GPC5: variants seen among roughly 807,000 people sequenced by gnomAD.
The protein encoded by GPC5 is glypican 5, also known as glypican-5.
In GPC5, 47 loss-of-function variants were observed where a neutral mutation model predicts 53.9. The ratio of observed to expected loss-of-function variants is 0.87; its 90% CI spans 0.69 to 1.11. The LOEUF (loss-of-function observed/expected upper bound fraction) is 1.11. Ranked by LOEUF, GPC5 falls within the 50% of genes most tolerant of loss-of-function variation. The pLI, the probability that GPC5 is intolerant of heterozygous loss-of-function variation, is 0.00. For missense variants in GPC5, 748 were observed against 713.1 expected (o/e 1.05, Z -0.56); for synonymous variants, 286 against 263.3 (o/e 1.09, Z -0.84).
chr13:92,022,951 A>C (rs1289723170), intron 6 of GPC5, among the ~76,000 whole-genome samples: 3 of 152,078 alleles, frequency 2.0e-5, no homozygotes, highest in Admixed American at 6.6e-5. Context: ...GCTTCTTTAT[A>C]CAGAGTATAA....
chr13:92,325,501 T>C (rs1246485005), intron 7 of GPC5, among the ~76,000 whole-genome samples: 1 of 152,076 alleles, frequency 6.6e-6, no homozygotes, highest in Non-Finnish European at 1.5e-5. Flanking sequence ...TTAGCTCTGT[T>C]GTTGTGATTC....
At chr13:92,404,941 C>T (rs1210126867) in intron 7 of GPC5, among the ~76,000 whole-genome samples, 1 of 150,172 alleles carries the variant, frequency 6.7e-6, no homozygotes, top group Non-Finnish European at 1.5e-5. Flanking sequence ...TTCTTGGAAA[C>T]TGGGAGTTTA....
intron 3 of GPC5, among the ~76,000 whole-genome samples, chr13:91,713,144 T>A (rs973218866): frequency 6.6e-6 from 1 of 152,174 alleles, no homozygotes; most frequent in Non-Finnish European, 1.5e-5. Context: ...TGAGCTGACA[T>A]CGTGCCACTG....
chr13:91,986,101 T>C lies in GPC5; in HGVS notation c.1401+78044T>C, dbSNP rs912691814. ...TTTTTTTTGAGACGGAGTCTTGCTG[T>C]GTCGCCCAGGCTGGAGTGCAGTGGC... On this transcript the variant is annotated intron_variant, in intron 6 of 7. Transcript: ENST00000377067. 6.5e-5 allele frequency among the ~76,000 whole-genome samples: 9 copies of C among 138,096 alleles called. No homozygotes were observed. The South Asian group carries it at 1.8e-3, about 27-fold the overall frequency. The allele number at this position is 138,096 out of a possible 152,430, so 90.6% of individuals were successfully genotyped here.
chr13:92,012,926 C>T (rs538016554), intron 6 of GPC5, among the ~76,000 whole-genome samples: 1 of 152,164 alleles, frequency 6.6e-6, no homozygotes, highest in Non-Finnish European at 1.5e-5. Flanking sequence ...CCAGACCAGG[C>T]ACAAGTGAGT....
intron 4 of GPC5, among the ~76,000 whole-genome samples, chr13:91,756,074 T>C (rs1274115472): frequency 9.2e-5 from 2 of 21,842 alleles, no homozygotes; most frequent in Non-Finnish European, 1.8e-4. Flanking sequence ...GCTTTTTTTT[T>C]GAAAAAAAAA....
At chr13:91,591,895 A>G (rs974686015) in intron 2 of GPC5, among the ~76,000 whole-genome samples, 2 of 152,206 alleles carry the variant, frequency 1.3e-5, no homozygotes, top group African/African-American at 2.4e-5. Flanking sequence ...CTGAATCTTT[A>G]TGAGCTTCCT....
chr13:92,445,453 T>C (rs1300331877), intron 7 of GPC5, among the ~76,000 whole-genome samples: 1 of 143,860 alleles, frequency 7.0e-6, no homozygotes, highest in East Asian at 2.0e-4. Context: ...CTCCTAAAGC[T>C]ATCCCTCCTC....
chr13:92,508,940 G>T (rs929458434), intron 7 of GPC5, among the ~76,000 whole-genome samples: 6 of 152,110 alleles, frequency 3.9e-5, no homozygotes, highest in Non-Finnish European at 8.8e-5. Context: ...AGGACTGGGC[G>T]CCTACTCTGT....
chr13:92,633,454 ATATT>A (rs1316413930), intron 7 of GPC5, among the ~76,000 whole-genome samples: 2 of 152,224 alleles, frequency 1.3e-5, no homozygotes, highest in African/African-American at 2.4e-5. Context: ...GTTTTAAAAA[ATATT>A]TAGTTTTTTG....
intron 7 of GPC5, among the ~76,000 whole-genome samples, chr13:92,686,294 T>G (rs1292586245): frequency 3.4e-5 from 1 of 29,332 alleles, no homozygotes; most frequent in Non-Finnish European, 5.5e-5. Context: ...GGTTTTGATT[T>G]GCATTTCTCT....
At chr13:91,601,664 C>T (rs1032256248) in intron 2 of GPC5, among the ~76,000 whole-genome samples, 2 of 152,150 alleles carry the variant, frequency 1.3e-5, no homozygotes, top group Non-Finnish European at 2.9e-5. Flanking sequence ...CGGTTGCCCT[C>T]TGTTACGAGA....
intron 7 of GPC5, among the ~76,000 whole-genome samples, chr13:92,259,362 A>G (rs954779781): frequency 6.6e-6 from 1 of 152,188 alleles, no homozygotes; most frequent in East Asian, 1.9e-4. Flanking sequence ...CAAGATGCAT[A>G]GGATATAAAA....
At chr13:92,266,834 A>G (rs905009269) in intron 7 of GPC5, among the ~76,000 whole-genome samples, 9 of 152,160 alleles carry the variant, frequency 5.9e-5, no homozygotes, top group Non-Finnish European at 1.3e-4. Context: ...AGTGTAATTA[A>G]AAACATCAGT....
chr13:92,772,988 T>A (rs565999210), intron 7 of GPC5, among the ~76,000 whole-genome samples: 1 of 152,246 alleles, frequency 6.6e-6, no homozygotes, highest in East Asian at 1.9e-4. Context: ...GTAATTCCTG[T>A]TAAAAGTTGG....
intron 6 of GPC5, among the ~76,000 whole-genome samples, chr13:92,056,163 T>C (rs1474793752): frequency 1.3e-5 from 2 of 152,202 alleles, no homozygotes; most frequent in Non-Finnish European, 2.9e-5. Context: ...AAAGGTTGTC[T>C]TCCTTCTGTA....
chr13:92,648,723 T>G (rs1756444337), intron 7 of GPC5, among the ~76,000 whole-genome samples: 1 of 152,128 alleles, frequency 6.6e-6, no homozygotes, highest in Admixed American at 6.6e-5. Flanking sequence ...TGCTAATTAT[T>G]CTATACATAG....
At chr13:92,786,523 A>C (rs886260977) in intron 7 of GPC5, among the ~76,000 whole-genome samples, 3 of 152,102 alleles carry the variant, frequency 2.0e-5, no homozygotes, top group African/African-American at 7.2e-5. Flanking sequence ...GGCAGAAGTG[A>C]AATGGGATTT....
At chr13:91,875,997 G>A (rs1026997159) in intron 5 of GPC5, among the ~76,000 whole-genome samples, 2 of 152,198 alleles carry the variant, frequency 1.3e-5, no homozygotes, top group African/African-American at 4.8e-5. Context: ...AGTCTTTCCT[G>A]TGCTATTCTC....
Sources: gnomAD v4.1 joint callset for allele counts (sites outside exome capture counted in the v4.1 genomes callset) on GRCh38, gnomAD v4.1.1 for gene constraint, MANE v1.5 for transcripts, NCBI Gene and HGNC (gene_info 2026-07-23, HGNC 2026-07-21) for gene names.